PLXNA4: variants seen among roughly 807,000 people sequenced by gnomAD.
PLXNA4 encodes the protein plexin A4, also known as plexin-A4.
Under a neutral mutation model 191.8 loss-of-function variants are expected in PLXNA4, and 44 were observed. That is an observed-to-expected ratio of 0.23 (90% CI 0.18 to 0.29). PLXNA4 has a LOEUF of 0.29. Ranked by LOEUF, PLXNA4 falls within the 10% of genes least tolerant of loss-of-function variation. The pLI, the probability that PLXNA4 is intolerant of heterozygous loss-of-function variation, is 1.00. For synonymous variants in PLXNA4, 1,082 were observed against 1,009.5 expected (o/e 1.07, Z -1.36); for missense variants, 1,800 against 2,488.8 (o/e 0.72, Z 5.89).
chr7:132,151,153 T>G (rs1795585106), intron 25 of PLXNA4, among the ~76,000 whole-genome samples: 2 of 151,954 alleles, frequency 1.3e-5, no homozygotes, highest in African/African-American at 4.8e-5. Flanking sequence ...TGTGCTTTTT[T>G]TCTGAAATAT....
intron 3 of PLXNA4, among the ~76,000 whole-genome samples, chr7:132,446,638 A>G (rs1321638344): frequency 6.6e-6 from 1 of 152,232 alleles, no homozygotes; most frequent in Non-Finnish European, 1.5e-5. Flanking sequence ...ACAAGAACAT[A>G]GAGTAGCTCT....
chr7:132,169,954 C>T (rs1189964015), intron 21 of PLXNA4, among the ~76,000 whole-genome samples: 1 of 151,960 alleles, frequency 6.6e-6, no homozygotes, highest in African/African-American at 2.4e-5. Flanking sequence ...CTGGAGGAGG[C>T]AGGGAGTGGG....
chr7:132,170,902 G>C (rs1796265560), intron 21 of PLXNA4, among the ~76,000 whole-genome samples: 1 of 152,222 alleles, frequency 6.6e-6, no homozygotes, highest in African/African-American at 2.4e-5. Context: ...AATGGGAACA[G>C]CTAGAGATAA....
At chr7:132,517,576 C>T (rs773838027) in intron 1 of PLXNA4, among the ~76,000 whole-genome samples, 1 of 152,194 alleles carries the variant, frequency 6.6e-6, no homozygotes, top group East Asian at 1.9e-4. Flanking sequence ...GGGATTCAAA[C>T]GTAATGCTGG....
At chr7:132,207,521 C>A (rs1323975744) in intron 10 of PLXNA4, among the ~76,000 whole-genome samples, 1 of 152,234 alleles carries the variant, frequency 6.6e-6, no homozygotes, top group Non-Finnish European at 1.5e-5. Context: ...TCCACTGCTG[C>A]CTGTGAGTCT....
intron 9 of PLXNA4, among the ~76,000 whole-genome samples, chr7:132,219,957 G>T (rs1399733344): frequency 6.6e-6 from 1 of 152,136 alleles, no homozygotes; most frequent in Non-Finnish European, 1.5e-5. Context: ...ACAGCACATA[G>T]GTCTGCATAA....
intron 3 of PLXNA4, among the ~76,000 whole-genome samples, chr7:132,330,124 C>T (rs73723788): frequency 0.031 from 4,662 of 152,128 alleles, 135 homozygotes; most frequent in African/African-American, 0.074. Flanking sequence ...ATTGTGAAGA[C>T]GGAAGAGAGA....
intron 4 of PLXNA4, among the ~76,000 whole-genome samples, chr7:132,255,666 C>A (rs996649729): frequency 1.3e-5 from 2 of 152,204 alleles, no homozygotes; most frequent in Non-Finnish European, 2.9e-5. Context: ...CCTAACCTGA[C>A]CACTGACTCC....
chr7:132,248,170 G>GCTCTTCTCATGGC (rs1799125748), intron 4 of PLXNA4, among the ~76,000 whole-genome samples: 2 of 152,206 alleles, frequency 1.3e-5, no homozygotes, highest in African/African-American at 4.8e-5. Context: ...ATTGCCATGA[G>GCTCTTCTCATGGC]AAGAGCTTCC....
chr7:132,363,160 T>C (rs747617427), intron 3 of PLXNA4, among the ~76,000 whole-genome samples: 27 of 152,124 alleles, frequency 1.8e-4, no homozygotes, highest in Non-Finnish European at 3.8e-4. Flanking sequence ...AATTTTTGTG[T>C]TTTTAGTAGA....
intron 2 of PLXNA4, among the ~76,000 whole-genome samples, chr7:132,502,029 C>A (rs1291683070): frequency 2.0e-5 from 3 of 152,196 alleles, no homozygotes; most frequent in Admixed American, 6.5e-5. Context: ...AGGATACAAC[C>A]CCATCAAGTC....
rs182902078 is a variant in PLXNA4, at chr7:132,629,541, T to C, written c.-87+16387A>G. ...CTGCATATTTTTTAACTCTTCTAGA[T>C]GAAACTGATGCATACTGAGGATTGG... On this transcript the variant is annotated intron_variant, in intron 2 of 4. Coordinates refer to the PLXNA4 transcript ENST00000378539. Among the ~76,000 whole-genome samples, 197 of 152,346 alleles carry C rather than the reference T, an allele frequency of 1.3e-3. 2 individuals carry two copies. Among genetic ancestry groups the C allele is most frequent in the African/African-American group, 4.6e-3 (193 of 41,586 alleles).
intron 3 of PLXNA4, among the ~76,000 whole-genome samples, chr7:132,343,471 G>A (rs1803117963): frequency 6.6e-6 from 1 of 152,208 alleles, no homozygotes. Context: ...TTCCAATGGA[G>A]CATTTCATAA....
At chr7:132,145,384 G>A (rs1396490286) in intron 28 of PLXNA4, 96 bp from the exon 29 acceptor site, 2 of 1,540,864 alleles carry the variant, frequency 1.3e-6, no homozygotes, top group South Asian at 1.2e-5. Context: ...GGGGAGGATG[G>A]TATACAGCCC....
chr7:132,481,510 C>T (rs937495503), intron 3 of PLXNA4, among the ~76,000 whole-genome samples: 91 of 151,978 alleles, frequency 6.0e-4, no homozygotes, highest in Admixed American at 2.9e-3. Flanking sequence ...ACATTTACCC[C>T]ACCCCCAAAA....
intron 4 of PLXNA4, among the ~76,000 whole-genome samples, chr7:132,247,565 C>T (rs920756828): frequency 6.6e-6 from 1 of 152,188 alleles, no homozygotes; most frequent in Admixed American, 6.5e-5. Context: ...AAAGTAAGTC[C>T]TTTTCTGGCA....
chr7:132,417,114 G>C (rs1233503810), intron 3 of PLXNA4, among the ~76,000 whole-genome samples: 1 of 152,116 alleles, frequency 6.6e-6, no homozygotes, highest in Non-Finnish European at 1.5e-5. Flanking sequence ...CCACTCTACA[G>C]GGACTCCCGC....
At chr7:132,176,578 A>G (rs79616812) in intron 20 of PLXNA4, among the ~76,000 whole-genome samples, 4,406 of 149,706 alleles carry the variant, frequency 0.029, 108 homozygotes, top group South Asian at 0.074. Flanking sequence ...GTGTGTGAGT[A>G]TGACAGTGTG....
rs1410186715 is a variant in PLXNA4 at position 132,127,707 on chromosome 7, C to A, written c.*2772G>T. On this transcript the variant is annotated 3_prime_UTR_variant, in exon 32 of 32. Coordinates refer to ENST00000321063, the MANE Select transcript of PLXNA4 (RefSeq NM_020911.2). ...AAACAGAGCGGCAGAAACAACCCAC[C>A]CACCAATTAAAGTCAAACCAGCCCC... 6.6e-6 allele frequency: 1 copy of A among 152,098 alleles called. No individual in the cohort carries two copies. Among genetic ancestry groups the A allele is most frequent in the Non-Finnish European group, 1.5e-5 (1 of 68,040 alleles). The allele number at this position is 152,098 out of a possible 1,614,324, so 9.4% of individuals were successfully genotyped here. A position where few individuals can be genotyped will look rare whatever the true frequency, so the allele number is the denominator to read the frequency against.
Sources: allele counts gnomAD v4.1 joint callset (sites outside exome capture counted in the v4.1 genomes callset), GRCh38; gene constraint gnomAD v4.1.1; transcripts MANE v1.5; gene names NCBI Gene and HGNC (gene_info 2026-07-23, HGNC 2026-07-21).